AUTS2: variants seen among roughly 807,000 people sequenced by gnomAD.
The protein encoded by AUTS2 is autism susceptibility gene 2 protein.
In AUTS2, 17 loss-of-function variants were observed where a neutral mutation model predicts 112.4. The observed-to-expected ratio is 0.15, with a 90% CI of 0.10 to 0.23. The LOEUF (loss-of-function observed/expected upper bound fraction) is 0.23. Ranked by LOEUF, AUTS2 falls within the 10% of genes least tolerant of loss-of-function variation. The pLI is 1.00. For synonymous variants in AUTS2, 751 were observed against 702.7 expected (o/e 1.07, Z -1.09); for missense variants, 1,510 against 1,701.6 (o/e 0.89, Z 1.98).
intron 1 of AUTS2, among the ~76,000 whole-genome samples, chr7:69,783,217 T>C (rs759923365): frequency 2.0e-5 from 3 of 151,856 alleles, no homozygotes; most frequent in Non-Finnish European, 4.4e-5. Context: ...ATTGAGAATC[T>C]GTTTGAGATA....
At chr7:70,644,950 G>A (rs972838093) in intron 5 of AUTS2, among the ~76,000 whole-genome samples, 2 of 152,158 alleles carry the variant, frequency 1.3e-5, no homozygotes, top group African/African-American at 4.8e-5. Context: ...CTAAACGCTG[G>A]TGGCTTTACT....
intron 1 of AUTS2, among the ~76,000 whole-genome samples, chr7:69,801,656 A>G (rs1436302339): frequency 2.0e-5 from 3 of 152,164 alleles, no homozygotes; most frequent in African/African-American, 7.2e-5. Context: ...TGTCAGTACA[A>G]ACATGCATTT....
Position 69,599,309 on chromosome 7 carries a change from A to C in AUTS2, c.-345A>C. On this transcript the variant is annotated 5_prime_UTR_variant, in exon 1 of 19. Transcript: ENST00000342771. This position sits in a 1 kb window ranked among gnomAD's most constrained non-coding sequence, Gnocchi z 7.0. Reference sequence around the variant, plus strand: ...TGATTTATTGCTTGCTTGGTGAGTTATTTTTTTTTCCTCTAAAGGAGACCT... The same window carrying C: ...TGATTTATTGCTTGCTTGGTGAGTTCTTTTTTTTTCCTCTAAAGGAGACCT... 1 of 211,272 alleles carries C rather than the reference A, an allele frequency of 4.7e-6. No homozygotes were observed. The highest frequency in any genetic ancestry group is 6.0e-5 in the Admixed American group (1 of 16,792). The allele number at this position is 211,272 out of a possible 1,614,324, so 13.1% of individuals were successfully genotyped here.
At chr7:70,605,613 A>G (rs1362126035) in intron 5 of AUTS2, among the ~76,000 whole-genome samples, 1 of 124,492 alleles carries the variant, frequency 8.0e-6, no homozygotes, top group Non-Finnish European at 1.6e-5. Flanking sequence ...ACTGAAATCT[A>G]CTTAAGTATC....
intron 1 of AUTS2, among the ~76,000 whole-genome samples, chr7:69,806,519 T>A (rs1272073350): frequency 6.6e-6 from 1 of 152,002 alleles, no homozygotes; most frequent in Non-Finnish European, 1.5e-5. Flanking sequence ...CAGGCTGGAG[T>A]GCAGCGGTGC....
At chr7:70,374,993 C>T (rs1462331128) in intron 4 of AUTS2, among the ~76,000 whole-genome samples, 1 of 152,170 alleles carries the variant, frequency 6.6e-6, no homozygotes, top group Non-Finnish European at 1.5e-5. Flanking sequence ...AACTCAGGCC[C>T]ATTACCTGCT....
chr7:70,762,103 G>T (rs1359366494), intron 6 of AUTS2, among the ~76,000 whole-genome samples: 1 of 152,194 alleles, frequency 6.6e-6, no homozygotes, highest in South Asian at 2.1e-4. Flanking sequence ...GGAAGGGAAG[G>T]CCAAGAAAAA....
intron 1 of AUTS2, among the ~76,000 whole-genome samples, chr7:69,661,903 G>T (rs963451195): frequency 6.6e-6 from 1 of 152,198 alleles, no homozygotes; most frequent in Non-Finnish European, 1.5e-5. Context: ...ATTTTAACTT[G>T]AAATAGCATG....
chr7:69,852,913 G>A, intron 1 of AUTS2, among the ~76,000 whole-genome samples: 1 of 152,042 alleles, frequency 6.6e-6, no homozygotes, highest in South Asian at 2.1e-4. Context: ...TTGCCAGTGT[G>A]TTTTTTAGTT....
At chr7:69,894,649 A>G (rs987170025) in intron 1 of AUTS2, among the ~76,000 whole-genome samples, 2 of 152,150 alleles carry the variant, frequency 1.3e-5, no homozygotes, top group African/African-American at 2.4e-5. Context: ...CTTCTTTCCT[A>G]CTATAGGGAG....
intron 2 of AUTS2, among the ~76,000 whole-genome samples, chr7:70,045,670 G>A (rs1801468365): frequency 6.6e-6 from 1 of 151,502 alleles, no homozygotes; most frequent in Non-Finnish European, 1.5e-5. Flanking sequence ...GTGCAGTGGT[G>A]CAATCTCGGC....
chr7:70,267,008 G>A (rs1415777720), intron 4 of AUTS2, among the ~76,000 whole-genome samples: 1 of 152,204 alleles, frequency 6.6e-6, no homozygotes, highest in Non-Finnish European at 1.5e-5. Flanking sequence ...GTTGGTGACA[G>A]CGCAATAATG....
At chr7:69,670,291 C>G (rs1485044319) in intron 1 of AUTS2, among the ~76,000 whole-genome samples, 1 of 152,102 alleles carries the variant, frequency 6.6e-6, no homozygotes, top group Non-Finnish European at 1.5e-5. Flanking sequence ...CCCTAAAATT[C>G]TGTGATTTTT....
intron 2 of AUTS2, among the ~76,000 whole-genome samples, chr7:69,988,842 G>C (rs2129551174): frequency 6.6e-6 from 1 of 152,192 alleles, no homozygotes; most frequent in East Asian, 1.9e-4. Flanking sequence ...GCTCACTTAG[G>C]TCAGTGATTT....
intron 2 of AUTS2, among the ~76,000 whole-genome samples, chr7:69,982,469 G>GAA (rs145009418): frequency 1.1e-3 from 165 of 151,276 alleles, no homozygotes; most frequent in Middle Eastern, 3.4e-3. Flanking sequence ...TCCTGAGGGG[G>GAA]GAAAAAAAAC....
At chr7:70,185,919 G>A (rs945837901) in intron 4 of AUTS2, among the ~76,000 whole-genome samples, 2 of 152,144 alleles carry the variant, frequency 1.3e-5, no homozygotes, top group South Asian at 2.1e-4. Flanking sequence ...AGGAAAAAGT[G>A]TTGTATAAAC....
At chr7:69,979,066 T>A (rs1051780565) in intron 2 of AUTS2, among the ~76,000 whole-genome samples, 1 of 152,222 alleles carries the variant, frequency 6.6e-6, no homozygotes, top group African/African-American at 2.4e-5. Flanking sequence ...TACATAATCA[T>A]GATGACTGCA....
Position 69,647,085 on chromosome 7 carries a change from C to A in AUTS2, c.309+47123C>A, listed in dbSNP as rs190829919. 3.3e-5 allele frequency among the ~76,000 whole-genome samples: 5 copies of A among 152,282 alleles called. No individual in the cohort carries two copies. In the East Asian group the frequency reaches 7.7e-4, roughly 24 times the overall value. On this transcript the variant is annotated intron_variant, in intron 1 of 18. Coordinates refer to ENST00000342771, the MANE Select transcript of AUTS2 (RefSeq NM_015570.4). ...CCTGGGCGATAGAGCGAGACTCTGT[C>A]TCAAACAAAACAAAACAAAAAACAA...
At chr7:70,208,814 G>A (rs1810709910) in intron 4 of AUTS2, among the ~76,000 whole-genome samples, 1 of 151,882 alleles carries the variant, frequency 6.6e-6, no homozygotes. Context: ...CAAAGTCCCT[G>A]ATACACTAAC....
Sources: allele counts gnomAD v4.1 joint callset (sites outside exome capture counted in the v4.1 genomes callset), GRCh38; gene constraint gnomAD v4.1.1; non-coding constraint Gnocchi (gnomAD v3.1); transcripts MANE v1.5; gene names NCBI Gene and HGNC (gene_info 2026-07-23, HGNC 2026-07-21).